Variants in ARHGAP35 observed in about 807,000 individuals in gnomAD.
ARHGAP35 encodes the protein Rho GTPase activating protein 35.
A neutral mutation model predicts 111.1 loss-of-function variants in ARHGAP35; 15 were observed. That is an observed-to-expected ratio of 0.13 (90% confidence interval 0.09 to 0.21). ARHGAP35 has a LOEUF of 0.21. ARHGAP35 is among the 10% of genes least tolerant of loss of function. ARHGAP35 has a pLI of 1.00. For missense variants in ARHGAP35, 1,262 were observed against 1,873.0 expected (o/e 0.67, Z 6.02); for synonymous variants, 643 against 710.3 (o/e 0.91, Z 1.51).
rs1003488380 is a variant in ARHGAP35, at chr19:46,901,488, G to A, written c.-188-17000G>A. On this transcript the variant is annotated intron_variant, in intron 1 of 6. Transcript: ENST00000672722. The surrounding 1 kb of genome is among the most constrained non-coding windows in gnomAD (Gnocchi z 4.5). ...CAGGAGAATCACTTGAACCCGGGAGGCAGAGGTTGCAGTGAGCCGAGATCG... is the reference window on the plus strand; with the variant it reads ...CAGGAGAATCACTTGAACCCGGGAGACAGAGGTTGCAGTGAGCCGAGATCG... Among the ~76,000 whole-genome samples, 1 of 152,162 alleles carries A rather than the reference G, an allele frequency of 6.6e-6. No homozygotes were observed. The highest frequency in any genetic ancestry group is 1.5e-5 in the Non-Finnish European group (1 of 68,032).
chr19:46,921,619 C>T lies in ARHGAP35; in HGVS notation c.2944C>T (p.Leu982=), dbSNP rs1347433499. The change falls in exon 2 of 7, where the codon CTG becomes TTG. Residue 982 remains leucine (L), a synonymous_variant. Coordinates refer to ENST00000672722, the MANE Select transcript of ARHGAP35 (RefSeq NM_004491.5). The surrounding 1 kb of genome is among the most constrained non-coding windows in gnomAD (Gnocchi z 4.3). ...RAGSPLCNSN[L]QDSEEDIEPS... is the part of the protein sequence containing the mutation. ...AGGATCACCGCTCTGCAACTCAAAC[C>T]TGCAGGATTCAGAAGAAGATATCGA... 8.1e-6 allele frequency: 13 copies of T among 1,613,982 alleles called. No individual in the cohort carries two copies. Among genetic ancestry groups the T allele is most frequent in the Non-Finnish European group, 1.0e-5 (12 of 1,179,892 alleles).
At chr19:46,895,396 A>AC (rs2056048800) in intron 1 of ARHGAP35, among the ~76,000 whole-genome samples, 3 of 151,920 alleles carry the variant, frequency 2.0e-5, no homozygotes, top group Admixed American at 2.0e-4. Context: ...CGATCTCCTG[A>AC]CCTCGTGATC....
chr19:46,874,320 C>A (rs1034436659), intron 1 of ARHGAP35, among the ~76,000 whole-genome samples: 9 of 152,004 alleles, frequency 5.9e-5, no homozygotes, highest in Non-Finnish European at 1.3e-4. Flanking sequence ...TGTTTCTTTA[C>A]CAGAATGTAA....
chr19:46,944,528 A>G (rs1050680897), intron 3 of ARHGAP35, among the ~76,000 whole-genome samples: 5 of 152,086 alleles, frequency 3.3e-5, no homozygotes, highest in Non-Finnish European at 7.4e-5. Context: ...GCAGAACATG[A>G]TATCTTGGGC....
chr19:46,864,090 G>C (rs2055843132), intron 1 of ARHGAP35, among the ~76,000 whole-genome samples: 1 of 152,238 alleles, frequency 6.6e-6, no homozygotes, highest in African/African-American at 2.4e-5. Context: ...AGGGGTGTGT[G>C]GGTGGGCCCT....
rs2056751791 is a variant in ARHGAP35 at position 47,002,134 on chromosome 19, C to T, written c.*1446C>T. ...GCCTCTGCGGCCAGGAAGCCTGACA[C>T]TAGGCACCCCCCAGGCGAGAGCTAG... On this transcript the variant is annotated 3_prime_UTR_variant, in exon 7 of 7. Coordinates refer to ENST00000672722, the MANE Select transcript of ARHGAP35 (RefSeq NM_004491.5). The T allele has an allele frequency of 6.5e-6, 1 of 152,872 alleles. No individual in the cohort carries two copies. The highest frequency in any genetic ancestry group is 1.9e-4 in the East Asian group (1 of 5,206). The allele number at this position is 152,872 out of a possible 1,614,324, so 9.5% of individuals were successfully genotyped here.
rs371130864 is a variant in ARHGAP35, at chr19:46,920,508, G to A, written c.1833G>A (p.Glu611=). ...TGGGCAAAGACGGCCTTGCCCGAGA[G>A]TTGGCCAATGAGATTCGAGCTCTTT... The part of the protein sequence containing the change: ...VILGKDGLAR[E]LANEIRALCT... Residue 611 remains glutamate, a synonymous_variant, in exon 2 of 7, where the codon GAG becomes GAA. Transcript: ENST00000672722. This position sits in a 1 kb window ranked among gnomAD's most constrained non-coding sequence, Gnocchi z 7.0. The A allele has an allele frequency of 6.2e-6, 10 of 1,613,890 alleles. No individual in the cohort carries two copies. The African/African-American group carries it at 8.0e-5, about 13-fold the overall frequency.
At position 46,945,194 on chromosome 19, in the gene ARHGAP35, G is replaced by A. The variant is rs1055932495; in HGVS notation, c.3826+7786G>A. Among the ~76,000 whole-genome samples, 1 of 152,030 alleles carries A rather than the reference G, an allele frequency of 6.6e-6. No homozygotes were observed. The highest frequency in any genetic ancestry group is 1.5e-5 in the Non-Finnish European group (1 of 68,010). On this transcript the variant is annotated intron_variant, in intron 3 of 6. Coordinates refer to ENST00000672722, the MANE Select transcript of ARHGAP35 (RefSeq NM_004491.5). This position sits in a 1 kb window ranked among gnomAD's most constrained non-coding sequence, Gnocchi z 4.1. ...GTTGAGGGGGAGCTTAGGAGGCGGG[G>A]TTGAGGGGGAGCTTAAGAGTCAGAC...
At chr19:46,916,383 C>T (rs1206683748) in intron 1 of ARHGAP35, among the ~76,000 whole-genome samples, 1 of 152,134 alleles carries the variant, frequency 6.6e-6, no homozygotes, top group Non-Finnish European at 1.5e-5. Context: ...TGTGCACACT[C>T]TGTCCCTCTG....
intron 1 of ARHGAP35, among the ~76,000 whole-genome samples, chr19:46,894,861 AT>A (rs2056045277): frequency 6.6e-6 from 1 of 152,044 alleles, no homozygotes; most frequent in South Asian, 2.1e-4. Context: ...GATTTTCTAG[AT>A]TTTCACCTAC....
chr19:46,980,491 C>T (rs2056615256), intron 3 of ARHGAP35, among the ~76,000 whole-genome samples: 1 of 152,202 alleles, frequency 6.6e-6, no homozygotes, highest in African/African-American at 2.4e-5. Flanking sequence ...AGGCGATTTA[C>T]TCTCAGACAC....
At chr19:46,967,753 A>G (rs1466887447) in intron 3 of ARHGAP35, among the ~76,000 whole-genome samples, 1 of 152,188 alleles carries the variant, frequency 6.6e-6, no homozygotes, top group African/African-American at 2.4e-5. Context: ...CAGCCCACAG[A>G]TTAAAACTAC....
chr19:46,916,630 C>T (rs903543065), intron 1 of ARHGAP35, among the ~76,000 whole-genome samples: 1 of 151,276 alleles, frequency 6.6e-6, no homozygotes, highest in Non-Finnish European at 1.5e-5. Context: ...GAAACCATCT[C>T]GTATTTACAC....
chr19:46,903,123 C>T (rs1568463700), intron 1 of ARHGAP35, among the ~76,000 whole-genome samples: 1 of 152,088 alleles, frequency 6.6e-6, no homozygotes, highest in Non-Finnish European at 1.5e-5. Flanking sequence ...GCAGAAATCA[C>T]AGATGGATTC....
At position 46,992,511 on chromosome 19, in the gene ARHGAP35, G is replaced by C. The variant is rs117331528; in HGVS notation, c.4036+2836G>C. Among the ~76,000 whole-genome samples, 1 of 151,730 alleles carries C rather than the reference G, an allele frequency of 6.6e-6. No homozygotes were observed. Among genetic ancestry groups the C allele is most frequent in the African/African-American group, 2.4e-5 (1 of 41,282 alleles). On this transcript the variant is annotated intron_variant, in intron 5 of 6. Coordinates refer to ENST00000672722, the MANE Select transcript of ARHGAP35 (RefSeq NM_004491.5). This position sits in a 1 kb window ranked among gnomAD's most constrained non-coding sequence, Gnocchi z 4.4. The stretch of plus-strand genomic sequence containing the variant: ...TAGCCCACCCCCACCTTCAAGAGTC[G>C]CTCTTGCCTGGTTTCTCCCCGTCTC...
intron 1 of ARHGAP35, among the ~76,000 whole-genome samples, chr19:46,884,746 C>G (rs1168505970): frequency 1.3e-5 from 2 of 152,008 alleles, no homozygotes; most frequent in Non-Finnish European, 2.9e-5. Flanking sequence ...GTAGGCCTCC[C>G]AAAGTACTAA....
chr19:46,905,532 C>T (rs1482431879), intron 1 of ARHGAP35, among the ~76,000 whole-genome samples: 4 of 149,376 alleles, frequency 2.7e-5, no homozygotes, highest in East Asian at 4.0e-4. Context: ...CCTGCCACCG[C>T]GCCCAGCTAA....
chr19:46,962,800 G>T (rs1166636106), intron 3 of ARHGAP35, among the ~76,000 whole-genome samples: 2 of 152,112 alleles, frequency 1.3e-5, no homozygotes, highest in African/African-American at 4.8e-5. Flanking sequence ...TTTTAGTAGA[G>T]ATGAGGTTTT....
intron 1 of ARHGAP35, among the ~76,000 whole-genome samples, chr19:46,910,008 T>C (rs781288193): frequency 7.9e-5 from 12 of 152,192 alleles, no homozygotes; most frequent in Non-Finnish European, 1.6e-4. Flanking sequence ...TATATTCAAA[T>C]GGAGTTTTCG....
Sources: allele counts gnomAD v4.1 joint callset (sites outside exome capture counted in the v4.1 genomes callset), GRCh38; gene constraint gnomAD v4.1.1; non-coding constraint Gnocchi (gnomAD v3.1); transcripts MANE v1.5; gene names NCBI Gene and HGNC (gene_info 2026-07-23, HGNC 2026-07-21).